NEDD8: variants seen among roughly 807,000 people sequenced by gnomAD.
The protein encoded by NEDD8 is NEDD8 ubiquitin like modifier.
A neutral mutation model predicts 13.8 loss-of-function variants in NEDD8; 1 was observed. The ratio of observed to expected loss-of-function variants is 0.07; its 90% confidence interval spans 0.03 to 0.34. The LOEUF is 0.34. Ranked by LOEUF, NEDD8 falls within the 10% of genes least tolerant of loss-of-function variation. The pLI is 0.99. For missense variants in NEDD8, 10 were observed against 95.2 expected (o/e 0.10, Z 3.73); for synonymous variants, 31 against 33.2 (o/e 0.93, Z 0.23).
intron 1 of NEDD8, among the ~76,000 whole-genome samples, chr14:24,230,569 C>A (rs1346505838): frequency 6.8e-6 from 1 of 146,756 alleles, no homozygotes; most frequent in African/African-American, 2.5e-5. Flanking sequence ...AAAACAATAT[C>A]CTTACCTAGC....
At chr14:24,230,616 C>CTTT (rs751786098) in intron 1 of NEDD8, among the ~76,000 whole-genome samples, 4 of 136,394 alleles carry the variant, frequency 2.9e-5, no homozygotes, top group African/African-American at 8.2e-5. Context: ...CTCTCTCTTT[C>CTTT]TTTTTTTTTT....
At chr14:24,226,502 A>AG (rs2039894148) in intron 1 of NEDD8, 1 of 152,172 alleles carries the variant, frequency 6.6e-6, no homozygotes, top group African/African-American at 2.4e-5. Flanking sequence ...ACAAAACAAA[A>AG]GGAAGTACTA....
At chr14:24,219,872 G>A (rs1173692798) in intron 1 of NEDD8, among the ~76,000 whole-genome samples, 1 of 152,174 alleles carries the variant, frequency 6.6e-6, no homozygotes, top group Non-Finnish European at 1.5e-5. Flanking sequence ...GGGCACAGTG[G>A]CTCATGCCTG....
At chr14:24,222,168 C>T (rs2039820342) in intron 1 of NEDD8, among the ~76,000 whole-genome samples, 1 of 152,048 alleles carries the variant, frequency 6.6e-6, no homozygotes, top group Non-Finnish European at 1.5e-5. Context: ...TTATTGCAAC[C>T]TTTTGATACT....
intron 1 of NEDD8, among the ~76,000 whole-genome samples, chr14:24,221,011 A>G (rs989864517): frequency 6.6e-6 from 1 of 152,276 alleles, no homozygotes; most frequent in Non-Finnish European, 1.5e-5. Context: ...CAAAAATACA[A>G]GAACAATTCC....
At chr14:24,218,565 G>A (rs773867460) in intron 1 of NEDD8, 134 bp from the exon 2 acceptor site, 14 of 1,254,836 alleles carry the variant, frequency 1.1e-5, no homozygotes, top group Non-Finnish European at 1.6e-5. Context: ...CTGCTTTGGA[G>A]AATGAGAAGG....
intron 1 of NEDD8, among the ~76,000 whole-genome samples, chr14:24,230,212 C>G (rs1351699305): frequency 1.0e-5 from 1 of 95,674 alleles, no homozygotes; most frequent in Non-Finnish European, 1.9e-5. Context: ...GAGTGAGACT[C>G]TGTCTCAAAA....
At chr14:24,217,903 G>T (rs529794158) in intron 3 of NEDD8, 24 of 448,716 alleles carry the variant, frequency 5.3e-5, no homozygotes, top group Non-Finnish European at 9.0e-5. Context: ...ATTTGTTTTA[G>T]TATTTTAATA....
intron 1 of NEDD8, among the ~76,000 whole-genome samples, chr14:24,221,515 A>G (rs567456428): frequency 6.6e-6 from 1 of 151,986 alleles, no homozygotes; most frequent in East Asian, 1.9e-4. Context: ...CCTGACCTCA[A>G]GTGATCCACC....
chr14:24,218,083 T>C (rs1179189257), intron 3 of NEDD8, 50 bp downstream of exon 3: 1 of 1,612,152 alleles, frequency 6.2e-7, no homozygotes, highest in Non-Finnish European at 8.5e-7. Flanking sequence ...CCTCTCCTCT[T>C]CTCATCTTCA....
chr14:24,224,978 G>A (rs917427820), intron 1 of NEDD8, among the ~76,000 whole-genome samples: 1 of 152,038 alleles, frequency 6.6e-6, no homozygotes, highest in African/African-American at 2.4e-5. Flanking sequence ...GGCCAACATG[G>A]CAAAATGTCA....
At chr14:24,226,542 A>C (rs2039894680) in intron 1 of NEDD8, 1 of 152,226 alleles carries the variant, frequency 6.6e-6, no homozygotes, top group South Asian at 2.1e-4. Flanking sequence ...GCAATGACTA[A>C]GTGCTATGGT....
At chr14:24,226,748 A>C (rs2039897510) in intron 1 of NEDD8, 1 of 152,240 alleles carries the variant, frequency 6.6e-6, no homozygotes, top group African/African-American at 2.4e-5. Flanking sequence ...CATACACTGC[A>C]GGTGGGAATA....
At chr14:24,223,897 G>C (rs1262881064) in intron 1 of NEDD8, among the ~76,000 whole-genome samples, 1 of 151,666 alleles carries the variant, frequency 6.6e-6, no homozygotes, top group Non-Finnish European at 1.5e-5. Flanking sequence ...ACTACGCCTG[G>C]CTAATTTTTG....
intron 1 of NEDD8, chr14:24,227,062 A>G (rs747148059): frequency 2.6e-4 from 40 of 152,260 alleles, no homozygotes; most frequent in Non-Finnish European, 5.4e-4. Flanking sequence ...AAGAAGCCAG[A>G]TACAAAAATT....
rs944184501 is a variant in NEDD8 at position 24,219,612 on chromosome 14, G to T, written c.19-1181C>A. Among the ~76,000 whole-genome samples, 6 of 151,464 alleles carry T rather than the reference G, an allele frequency of 4.0e-5. No homozygotes were observed. The East Asian group carries it at 5.8e-4, about 15-fold the overall frequency. On this transcript the variant is annotated intron_variant, in intron 1 of 3. Coordinates refer to ENST00000250495, the MANE Select transcript of NEDD8 (RefSeq NM_006156.3). ...TTGCAGCTCTTGTCTTCTTCCGTAA[G>T]TTAAGGGCTGGTGATATCCAAATAC...
intron 1 of NEDD8, among the ~76,000 whole-genome samples, chr14:24,224,715 C>T (rs1156721289): frequency 1.3e-5 from 2 of 152,184 alleles, no homozygotes; most frequent in African/African-American, 2.4e-5. Flanking sequence ...AAATGACTAA[C>T]ATCACAGAAA....
chr14:24,217,949 T>C (rs532654571), intron 3 of NEDD8, 184 bp downstream of exon 3: 14 of 550,584 alleles, frequency 2.5e-5, no homozygotes, highest in African/African-American at 1.9e-4. Flanking sequence ...TTTAATTCTA[T>C]ATATTTTGTT....
chr14:24,221,642 C>T (rs2039811862), intron 1 of NEDD8, among the ~76,000 whole-genome samples: 1 of 151,914 alleles, frequency 6.6e-6, no homozygotes, highest in South Asian at 2.1e-4. Flanking sequence ...GCTGCCCAGG[C>T]TGGAGTGCAA....
Sources: gnomAD v4.1 joint callset for allele counts (sites outside exome capture counted in the v4.1 genomes callset) on GRCh38, gnomAD v4.1.1 for gene constraint, MANE v1.5 for transcripts, NCBI Gene and HGNC (gene_info 2026-07-23, HGNC 2026-07-21) for gene names.